The following CSMD1 variants were observed in gnomAD, a reference collection of about 807,000 sequenced individuals.
The protein encoded by CSMD1 is CUB and Sushi multiple domains 1.
In CSMD1, 213 loss-of-function variants were observed where a neutral mutation model predicts 417.5. That is an observed-to-expected ratio of 0.51 (90% CI 0.46 to 0.57). CSMD1 has a LOEUF of 0.57. Ranked by LOEUF, CSMD1 falls within the 20% of genes least tolerant of loss-of-function variation. The pLI is 0.00. For synonymous variants in CSMD1, 2,862 were observed against 1,736.8 expected (o/e 1.65, Z -16.11); for missense variants, 6,923 against 4,529.7 (o/e 1.53, Z -15.17).
chr8:4,355,636 C>G (rs891132225), intron 3 of CSMD1, among the ~76,000 whole-genome samples: 1 of 152,166 alleles, frequency 6.6e-6, no homozygotes, highest in Non-Finnish European at 1.5e-5. Flanking sequence ...TTACAGAAAT[C>G]ATTCAAGAAA....
At chr8:4,296,968 T>C (rs779336008) in intron 3 of CSMD1, among the ~76,000 whole-genome samples, 2 of 151,938 alleles carry the variant, frequency 1.3e-5, no homozygotes, top group Non-Finnish European at 2.9e-5. Context: ...AACCTGTAAG[T>C]CAGATGACAA....
intron 5 of CSMD1, among the ~76,000 whole-genome samples, chr8:3,787,223 T>C (rs1283498130): frequency 1.3e-5 from 2 of 151,856 alleles, no homozygotes; most frequent in Non-Finnish European, 2.9e-5. Flanking sequence ...CTGAGGAAAA[T>C]GAAAAACAAC....
At chr8:3,117,338 G>A (rs965704501) in intron 42 of CSMD1, among the ~76,000 whole-genome samples, 1 of 152,054 alleles carries the variant, frequency 6.6e-6, no homozygotes, top group Non-Finnish European at 1.5e-5. Flanking sequence ...CCCAAAGTGT[G>A]TTTGTAGTTA....
intron 2 of CSMD1, among the ~76,000 whole-genome samples, chr8:4,430,693 A>T (rs1012251660): frequency 6.6e-6 from 1 of 152,172 alleles, no homozygotes; most frequent in African/African-American, 2.4e-5. Context: ...GTAATAGACT[A>T]TCGGAAACAA....
intron 1 of CSMD1, among the ~76,000 whole-genome samples, chr8:4,987,061 C>G (rs867087682): frequency 6.6e-6 from 1 of 152,144 alleles, no homozygotes; most frequent in Non-Finnish European, 1.5e-5. Context: ...TTTACTATCT[C>G]AAAGTTAGAA....
chr8:3,347,259 C>G (rs1404088024), intron 22 of CSMD1, among the ~76,000 whole-genome samples: 3 of 152,152 alleles, frequency 2.0e-5, no homozygotes, highest in Admixed American at 6.5e-5. Context: ...GCTAGGTTGC[C>G]CATTCTCCAA....
At chr8:4,320,862 T>C (rs1056390982) in intron 3 of CSMD1, among the ~76,000 whole-genome samples, 2 of 152,168 alleles carry the variant, frequency 1.3e-5, no homozygotes, top group Non-Finnish European at 2.9e-5. Flanking sequence ...ATCATTCTAC[T>C]ATAAAGACAC....
chr8:4,111,851 C>T (rs756340984), intron 3 of CSMD1, among the ~76,000 whole-genome samples: 1 of 152,056 alleles, frequency 6.6e-6, no homozygotes, highest in Non-Finnish European at 1.5e-5. Flanking sequence ...TTGATAGGTG[C>T]CGCAAACCAA....
chr8:4,854,201 G>T (rs1801653084), intron 1 of CSMD1, among the ~76,000 whole-genome samples: 1 of 152,138 alleles, frequency 6.6e-6, no homozygotes, highest in Non-Finnish European at 1.5e-5. Flanking sequence ...GAGATTTGGG[G>T]ATGCAGGAGT....
intron 26 of CSMD1, among the ~76,000 whole-genome samples, chr8:3,277,267 G>A (rs1301586148): frequency 1.3e-5 from 2 of 152,146 alleles, no homozygotes; most frequent in South Asian, 2.1e-4. Flanking sequence ...TGGCTGAGAT[G>A]AGAAGATAGG....
intron 6 of CSMD1, among the ~76,000 whole-genome samples, chr8:3,720,575 C>A (rs1380106288): frequency 1.3e-5 from 2 of 150,940 alleles, no homozygotes; most frequent in Non-Finnish European, 1.5e-5. Context: ...TGACACTTCA[C>A]AGTAGGAGAA....
chr8:4,716,434 G>C (rs1002188050), intron 1 of CSMD1, among the ~76,000 whole-genome samples: 2 of 152,118 alleles, frequency 1.3e-5, no homozygotes, highest in African/African-American at 4.8e-5. Flanking sequence ...GGGACATCAA[G>C]ATTAATATCT....
intron 47 of CSMD1, among the ~76,000 whole-genome samples, chr8:3,092,752 G>A (rs1323547053): frequency 1.3e-5 from 2 of 152,138 alleles, no homozygotes; most frequent in Non-Finnish European, 2.9e-5. Flanking sequence ...CATTTTTCAG[G>A]AGAAATTGCT....
chr8:3,302,785 A>G (rs563950682), intron 25 of CSMD1, among the ~76,000 whole-genome samples: 2 of 152,186 alleles, frequency 1.3e-5, no homozygotes, highest in African/African-American at 2.4e-5. Context: ...ACTTTCTCAC[A>G]GTTTATGTAC....
intron 57 of CSMD1, among the ~76,000 whole-genome samples, chr8:2,972,330 T>C (rs987671645): frequency 2.0e-5 from 3 of 152,230 alleles, no homozygotes; most frequent in African/African-American, 4.8e-5. Context: ...GGTTGGAAAG[T>C]GTTTCATACA....
chr8:3,914,660 T>C (rs556157348), intron 5 of CSMD1, among the ~76,000 whole-genome samples: 4 of 152,294 alleles, frequency 2.6e-5, no homozygotes, highest in South Asian at 2.1e-4. Context: ...TAGTCCACGT[T>C]AGTATGCATT....
chr8:3,983,787 G>A (rs1054153816), intron 5 of CSMD1, among the ~76,000 whole-genome samples: 1 of 152,100 alleles, frequency 6.6e-6, no homozygotes, highest in African/African-American at 2.4e-5. Flanking sequence ...AGAGCACGTC[G>A]CAGTTCTGAT....
chr8:3,283,677 T>G (rs372823748), intron 26 of CSMD1, among the ~76,000 whole-genome samples: 1 of 152,088 alleles, frequency 6.6e-6, no homozygotes, highest in Non-Finnish European at 1.5e-5. Flanking sequence ...CATGAAACCT[T>G]CATTCCAGAA....
intron 1 of CSMD1, among the ~76,000 whole-genome samples, chr8:4,963,665 C>T (rs1017199319): frequency 6.6e-6 from 1 of 152,134 alleles, no homozygotes; most frequent in Non-Finnish European, 1.5e-5. Context: ...TATGAATTTG[C>T]GTTGAAATTC....
Sources: gnomAD v4.1 joint callset for allele counts (sites outside exome capture counted in the v4.1 genomes callset) on GRCh38, gnomAD v4.1.1 for gene constraint, MANE v1.5 for transcripts, NCBI Gene and HGNC (gene_info 2026-07-23, HGNC 2026-07-21) for gene names.